STK32B: variants seen among roughly 807,000 people sequenced by gnomAD.
STK32B encodes the protein serine/threonine kinase 32B.
In STK32B, 43 loss-of-function variants were observed where a neutral mutation model predicts 52.6. The ratio of observed to expected loss-of-function variants is 0.82; its 90% CI spans 0.64 to 1.05. The LOEUF (loss-of-function observed/expected upper bound fraction) is 1.05. Among genes scored for constraint, STK32B ranks in the 50% least tolerant of loss-of-function variants. The pLI is 0.00. For missense variants in STK32B, 621 were observed against 534.6 expected (o/e 1.16, Z -1.59); for synonymous variants, 238 against 204.3 (o/e 1.17, Z -1.41).
chr4:5,467,033 G>GAGCT lies in STK32B; in HGVS notation c.1041+202_1041+203insTAGC, dbSNP rs1560439421. Among the ~76,000 whole-genome samples, 1 of 152,094 alleles carries GAGCT rather than the reference G, an allele frequency of 6.6e-6. No homozygotes were observed. The highest frequency in any genetic ancestry group is 2.4e-5 in the African/African-American group (1 of 41,418). Reference sequence around the variant, plus strand: ...GGCATTCACACTCCTGGCATTCCTTGAGCGCTATTCCTACAGCAGGAAGCT... The same window carrying GAGCT: ...GGCATTCACACTCCTGGCATTCCTTGAGCTAGCGCTATTCCTACAGCAGGAAGCT... On this transcript the variant is annotated intron_variant, in intron 10 of 11. Transcript: ENST00000282908. This position sits in a 1 kb window ranked among gnomAD's most constrained non-coding sequence, Gnocchi z 5.8.
chr4:5,259,477 C>T (rs774303559), intron 3 of STK32B, among the ~76,000 whole-genome samples: 8 of 152,122 alleles, frequency 5.3e-5, no homozygotes, highest in Non-Finnish European at 1.0e-4. Context: ...TATGGATTTC[C>T]GTTAAGTTAC....
At chr4:5,347,934 T>C (rs1733575452) in intron 4 of STK32B, among the ~76,000 whole-genome samples, 1 of 152,068 alleles carries the variant, frequency 6.6e-6, no homozygotes, top group Admixed American at 6.5e-5. Context: ...AATTACCCAG[T>C]CTTAAGTAGT....
chr4:5,317,464 A>ATG (rs1177654567), intron 3 of STK32B, among the ~76,000 whole-genome samples: 1 of 104,534 alleles, frequency 9.6e-6, no homozygotes, highest in African/African-American at 4.9e-5. Flanking sequence ...TATAATATAT[A>ATG]TGTATAATAT....
rs113963292 is a variant in STK32B at position 5,407,651 on chromosome 4, G to T, written c.473-9194G>T. Among the ~76,000 whole-genome samples the T allele has an allele frequency of 3.5e-3, 527 of 152,120 alleles. 6 individuals are homozygous for T. Among genetic ancestry groups the T allele is most frequent in the African/African-American group, 0.012 (489 of 41,464 alleles). On this transcript the variant is annotated intron_variant, in intron 5 of 11. Coordinates refer to ENST00000282908, the MANE Select transcript of STK32B (RefSeq NM_018401.3). ...GTCCTCACATGGATGGCAGGAGTTT[G>T]GGGGGTGGGGGAGAAGTGCTACACA...
chr4:5,302,024 G>A (rs1729590655), intron 3 of STK32B, among the ~76,000 whole-genome samples: 1 of 150,702 alleles, frequency 6.6e-6, no homozygotes, highest in Admixed American at 6.6e-5. Context: ...TCTATCCTTT[G>A]TGTAATAAAA....
At chr4:5,369,981 T>C (rs1735123292) in intron 4 of STK32B, among the ~76,000 whole-genome samples, 1 of 152,074 alleles carries the variant, frequency 6.6e-6, no homozygotes, top group African/African-American at 2.4e-5. Flanking sequence ...GTTCATGCCA[T>C]TCTCCTGCCT....
intron 3 of STK32B, among the ~76,000 whole-genome samples, chr4:5,241,612 CAT>C (rs1725028510): frequency 2.6e-5 from 4 of 151,944 alleles, no homozygotes; most frequent in Non-Finnish European, 5.9e-5. Context: ...TTTTAGGATA[CAT>C]GTGCACAACA....
intron 4 of STK32B, among the ~76,000 whole-genome samples, chr4:5,332,994 C>T (rs990244212): frequency 4.6e-5 from 7 of 152,142 alleles, no homozygotes; most frequent in Non-Finnish European, 7.3e-5. Context: ...GATTTATAGT[C>T]GTTTGGGTAT....
At chr4:5,157,992 G>T (rs553489319) in intron 2 of STK32B, among the ~76,000 whole-genome samples, 3 of 152,298 alleles carry the variant, frequency 2.0e-5, no homozygotes, top group South Asian at 2.1e-4. Context: ...CATTTCATAT[G>T]AATTAGGTTG....
At chr4:5,042,454 G>A in the STK32B span, among the ~76,000 whole-genome samples, 2 of 152,204 alleles carry the variant, frequency 1.3e-5, no homozygotes, top group African/African-American at 2.4e-5. Context: ...CCCAAGTTCC[G>A]CCATTCTCTC....
chr4:5,488,961 T>A (rs1039094749), intron 11 of STK32B, among the ~76,000 whole-genome samples: 1 of 152,114 alleles, frequency 6.6e-6, no homozygotes, highest in Non-Finnish European at 1.5e-5. Context: ...ATATTTTATA[T>A]ACAGAATGTT....
Position 5,144,800 on chromosome 4 carries a change from C to T in STK32B, c.108+4840C>T, listed in dbSNP as rs1284442514. Among the ~76,000 whole-genome samples the T allele has an allele frequency of 1.6e-3, 232 of 145,216 alleles. 1 individual carries two copies. Among genetic ancestry groups the T allele is most frequent in the African/African-American group, 5.3e-3 (187 of 35,276 alleles). ...CTCATTCACTCATCCATCCATCCAT[C>T]CATCCATCCATCCATCCATCCATCC... On this transcript the variant is annotated intron_variant, in intron 2 of 11. Coordinates refer to ENST00000282908, the MANE Select transcript of STK32B (RefSeq NM_018401.3).
chr4:5,205,636 G>C (rs1397298604), intron 3 of STK32B, among the ~76,000 whole-genome samples: 1 of 152,086 alleles, frequency 6.6e-6, no homozygotes, highest in African/African-American at 2.4e-5. Context: ...GGTTGAAGGG[G>C]TAGCAGTGAC....
chr4:5,178,562 T>G lies in STK32B; in HGVS notation c.260+10112T>G, dbSNP rs144094152. On this transcript the variant is annotated intron_variant, in intron 3 of 11. Coordinates refer to ENST00000282908, the MANE Select transcript of STK32B (RefSeq NM_018401.3). Reference sequence around the variant, plus strand: ...CTTCCCCGAAAATGGGTTTTTCTTTTCTGTCACGTTTTCAGTTTGCACATT... The same window carrying G: ...CTTCCCCGAAAATGGGTTTTTCTTTGCTGTCACGTTTTCAGTTTGCACATT... Among the ~76,000 whole-genome samples the G allele has an allele frequency of 3.0e-3, 457 of 152,368 alleles. 1 individual carries two copies. The highest frequency in any genetic ancestry group is 0.01 in the African/African-American group (436 of 41,600).
intron 3 of STK32B, among the ~76,000 whole-genome samples, chr4:5,294,055 C>T (rs1471162453): frequency 6.6e-6 from 1 of 152,114 alleles, no homozygotes; most frequent in African/African-American, 2.4e-5. Flanking sequence ...ATCCTTTCCC[C>T]ATTGGTTGTT....
At chr4:5,477,738 GT>G (rs1379371283) in intron 11 of STK32B, among the ~76,000 whole-genome samples, 1 of 152,134 alleles carries the variant, frequency 6.6e-6, no homozygotes, top group African/African-American at 2.4e-5. Context: ...CAGCCTGATG[GT>G]AGCACGCAGC....
chr4:5,485,250 T>C (rs1489883263), intron 11 of STK32B, among the ~76,000 whole-genome samples: 1 of 152,198 alleles, frequency 6.6e-6, no homozygotes, highest in Non-Finnish European at 1.5e-5. Context: ...TTTGGTATTT[T>C]CACAAAGTCT....
chr4:5,205,701 CGCG>C (rs1722518324), intron 3 of STK32B, among the ~76,000 whole-genome samples: 1 of 74,280 alleles, frequency 1.3e-5, no homozygotes, highest in Admixed American at 1.6e-4. Flanking sequence ...CAGGCGCGCG[CGCG>C]TGTGTGTGTG....
chr4:5,482,086 A>G (rs1718762876), intron 11 of STK32B, among the ~76,000 whole-genome samples: 1 of 152,212 alleles, frequency 6.6e-6, no homozygotes, highest in African/African-American at 2.4e-5. Flanking sequence ...TTGGTTCCAT[A>G]TGAACTTTAA....
Sources: allele counts gnomAD v4.1 joint callset (sites outside exome capture counted in the v4.1 genomes callset), GRCh38; gene constraint gnomAD v4.1.1; non-coding constraint Gnocchi (gnomAD v3.1); transcripts MANE v1.5; gene names NCBI Gene and HGNC (gene_info 2026-07-23, HGNC 2026-07-21).